Variants in EIPR1 observed in about 807,000 individuals in gnomAD.
EIPR1 encodes the protein EARP complex and GARP complex interacting protein 1.
Under a neutral mutation model 48.1 loss-of-function variants are expected in EIPR1, and 25 were observed. The observed-to-expected ratio is 0.52, with a 90% CI of 0.38 to 0.73. EIPR1 has a LOEUF of 0.73. EIPR1 is among the 30% of genes least tolerant of loss of function. The pLI, the probability that EIPR1 is intolerant of heterozygous loss-of-function variation, is 0.00. For missense variants in EIPR1, 415 were observed against 506.2 expected, an observed-to-expected ratio of 0.82 and a Z score of 1.73; for synonymous variants, 204 against 201.9, an observed-to-expected ratio of 1.01 and a Z score of -0.09.
intron 3 of EIPR1, among the ~76,000 whole-genome samples, chr2:3,302,563 G>C (rs1572416064): frequency 6.6e-6 from 1 of 152,204 alleles, no homozygotes; most frequent in East Asian, 1.9e-4. Flanking sequence ...CTGATCCTGA[G>C]TGCAGTTGGT....
intron 3 of EIPR1, among the ~76,000 whole-genome samples, chr2:3,268,472 T>C (rs1019200275): frequency 6.6e-5 from 10 of 152,318 alleles, no homozygotes; most frequent in African/African-American, 2.2e-4. Context: ...CTCCAAGATG[T>C]TCCTTCCTGG....
chr2:3,276,682 T>G (rs1038761633), intron 3 of EIPR1, among the ~76,000 whole-genome samples: 7 of 152,248 alleles, frequency 4.6e-5, no homozygotes, highest in African/African-American at 1.7e-4. Context: ...CTCTTCCGCA[T>G]CCCTAGAATT....
intron 4 of EIPR1, 70 bp from the exon 5 acceptor site, chr2:3,214,318 T>C: frequency 7.2e-7 from 1 of 1,387,990 alleles, no homozygotes. Context: ...GTAAGAGCTG[T>C]GATACATGTT....
At chr2:3,203,434 T>C (rs746068460) in intron 5 of EIPR1, among the ~76,000 whole-genome samples, 11 of 152,186 alleles carry the variant, frequency 7.2e-5, no homozygotes, top group Non-Finnish European at 1.5e-4. Flanking sequence ...ATAAACCTGA[T>C]TGAAGGGGAA....
chr2:3,351,911 G>A (rs1317079836), intron 2 of EIPR1, among the ~76,000 whole-genome samples: 3 of 152,240 alleles, frequency 2.0e-5, no homozygotes, highest in African/African-American at 4.8e-5. Context: ...ACCATTCTGA[G>A]TAGTGTGGTG....
At chr2:3,269,685 C>CGCAATCATT (rs1667643517) in intron 3 of EIPR1, among the ~76,000 whole-genome samples, 1 of 148,680 alleles carries the variant, frequency 6.7e-6, no homozygotes, top group East Asian at 2.0e-4. Flanking sequence ...TCGCAATCAT[C>CGCAATCATT]GCACTCAATC....
chr2:3,361,623 TG>T (rs753641211), intron 1 of EIPR1, among the ~76,000 whole-genome samples: 1 of 152,188 alleles, frequency 6.6e-6, no homozygotes, highest in Admixed American at 6.5e-5. Context: ...TTCCTCACCC[TG>T]TGCTGACCTG....
intron 3 of EIPR1, among the ~76,000 whole-genome samples, chr2:3,262,860 C>A (rs1667375983): frequency 6.6e-6 from 1 of 152,194 alleles, no homozygotes; most frequent in Non-Finnish European, 1.5e-5. Context: ...CCCACCACGG[C>A]ACAGGGTCGG....
chr2:3,348,950 G>A (rs1415994613), intron 2 of EIPR1, among the ~76,000 whole-genome samples: 2 of 152,208 alleles, frequency 1.3e-5, no homozygotes, highest in Non-Finnish European at 2.9e-5. Flanking sequence ...GTGCACATGC[G>A]CACAGGCGGG....
chr2:3,339,758 G>C (rs1670175676), intron 2 of EIPR1, among the ~76,000 whole-genome samples: 1 of 152,212 alleles, frequency 6.6e-6, no homozygotes, highest in South Asian at 2.1e-4. Flanking sequence ...AGACCAGCCT[G>C]ACCACCACAG....
At chr2:3,371,946 G>A (rs953971515) in intron 1 of EIPR1, among the ~76,000 whole-genome samples, 150 of 151,948 alleles carry the variant, frequency 9.9e-4, no homozygotes, top group Non-Finnish European at 1.3e-3. Flanking sequence ...TCAGCACCAC[G>A]CCACACCTAT....
At chr2:3,362,777 G>C (rs1267131937) in intron 1 of EIPR1, among the ~76,000 whole-genome samples, 2 of 152,160 alleles carry the variant, frequency 1.3e-5, no homozygotes, top group East Asian at 3.8e-4. Context: ...GGTCAGGAAG[G>C]AGCAGGTGCT....
chr2:3,293,244 A>C (rs1391242705), intron 3 of EIPR1, among the ~76,000 whole-genome samples: 1 of 152,170 alleles, frequency 6.6e-6, no homozygotes. Context: ...GCAGCACTCT[A>C]ACCGGGTTCC....
intron 3 of EIPR1, among the ~76,000 whole-genome samples, chr2:3,258,368 A>G (rs1334150445): frequency 2.0e-5 from 3 of 152,238 alleles, no homozygotes. Flanking sequence ...TTTCAATTGA[A>G]TATGTGCTAA....
intron 6 of EIPR1, among the ~76,000 whole-genome samples, chr2:3,196,387 C>T (rs953720360): frequency 6.6e-6 from 1 of 152,184 alleles, no homozygotes; most frequent in Non-Finnish European, 1.5e-5. Context: ...ACGGAAAACT[C>T]GCTCTTATTT....
In EIPR1 at chr2:3,360,290, G is replaced by A. The variant is rs544614293; in HGVS notation, c.43-5657C>T. ...GTGGTGGTGAGCGCCTGTAATCTCAGCTACTCAAGAGGCTAAGGCAGGAGA... is the reference window on the plus strand; with the variant it reads ...GTGGTGGTGAGCGCCTGTAATCTCAACTACTCAAGAGGCTAAGGCAGGAGA... On this transcript the variant is annotated intron_variant, in intron 1 of 8. Coordinates refer to ENST00000382125, the MANE Select transcript of EIPR1 (RefSeq NM_003310.5). Among the ~76,000 whole-genome samples the A allele has an allele frequency of 5.9e-5, 9 of 152,118 alleles. No individual in the cohort carries two copies. The South Asian group carries it at 1.9e-3, about 32-fold the overall frequency.
intron 4 of EIPR1, among the ~76,000 whole-genome samples, chr2:3,245,805 A>G (rs1666776776): frequency 6.6e-6 from 1 of 152,206 alleles, no homozygotes; most frequent in Non-Finnish European, 1.5e-5. Flanking sequence ...CACACCTGTA[A>G]TCTCAGTGTT....
chr2:3,266,366 C>T (rs1355174815), intron 3 of EIPR1, among the ~76,000 whole-genome samples: 3 of 152,176 alleles, frequency 2.0e-5, no homozygotes, highest in Non-Finnish European at 2.9e-5. Flanking sequence ...CCTCACTGGG[C>T]GCTCACCTGA....
intron 3 of EIPR1, among the ~76,000 whole-genome samples, chr2:3,295,014 C>G (rs1668505318): frequency 7.6e-6 from 1 of 131,958 alleles, no homozygotes; most frequent in Non-Finnish European, 1.6e-5. Context: ...CTCCATCCAG[C>G]CCATACTCTC....
Sources: gnomAD v4.1 joint callset for allele counts (sites outside exome capture counted in the v4.1 genomes callset) on GRCh38, gnomAD v4.1.1 for gene constraint, MANE v1.5 for transcripts, NCBI Gene and HGNC (gene_info 2026-07-23, HGNC 2026-07-21) for gene names.